Variants in DOC2B observed in about 807,000 individuals in gnomAD.
DOC2B encodes double C2-like domain-containing protein beta.
A neutral mutation model predicts 28.9 loss-of-function variants in DOC2B; 21 were observed. The observed-to-expected ratio is 0.73, with a 90% CI of 0.52 to 1.05. DOC2B has a LOEUF of 1.05. Ranked by LOEUF, DOC2B falls within the 50% of genes least tolerant of loss-of-function variation. The pLI is 0.00. For missense variants in DOC2B, 384 were observed against 421.1 expected, an observed-to-expected ratio of 0.91 and a Z score of 0.77; for synonymous variants, 194 against 178.1, an observed-to-expected ratio of 1.09 and a Z score of -0.71.
At chr17:162,315 T>C in intron 3 of DOC2B, 125 bp from the exon 4 acceptor site, 1 of 717,656 alleles carries the variant, frequency 1.4e-6, no homozygotes, top group Non-Finnish European at 2.4e-6. Context: ...CCAAGTGGAC[T>C]GAGGCTGCAG....
intron 5 of DOC2B, among the ~76,000 whole-genome samples, chr17:157,666 A>T (rs998736353): frequency 2.6e-5 from 4 of 152,128 alleles, no homozygotes; most frequent in African/African-American, 9.7e-5. Context: ...CTGGTCTCGA[A>T]TTCCTGACCT....
chr17:165,895 T>C (rs1320671146), intron 2 of DOC2B, among the ~76,000 whole-genome samples: 1 of 152,252 alleles, frequency 6.6e-6, no homozygotes, highest in Non-Finnish European at 1.5e-5. Context: ...TTGTTTGTTG[T>C]AGCTTAAAAT....
rs1422723055 is a variant in DOC2B, at chr17:146,952, C to A, written c.*489G>T. The A allele has an allele frequency of 6.5e-6, 1 of 154,120 alleles. No homozygotes were observed. Among genetic ancestry groups the A allele is most frequent in the Non-Finnish European group, 1.4e-5 (1 of 69,388 alleles). The allele number at this position is 154,120 out of a possible 1,614,324, so 9.5% of individuals were successfully genotyped here. A position where few individuals can be genotyped will look rare whatever the true frequency, so the allele number is the denominator to read the frequency against. On this transcript the variant is annotated 3_prime_UTR_variant, in exon 9 of 9. Coordinates refer to ENST00000613549, the MANE Select transcript of DOC2B (RefSeq NM_003585.5). Reference sequence around the variant, plus strand: ...GGCAGACTTTCGGCCGGCAGGCCCGCTTCTTCCATCTGTCCAGCAGCGAAG... The same window carrying A: ...GGCAGACTTTCGGCCGGCAGGCCCGATTCTTCCATCTGTCCAGCAGCGAAG...
intron 2 of DOC2B, among the ~76,000 whole-genome samples, chr17:170,735 T>G (rs951333582): frequency 2.6e-5 from 4 of 151,790 alleles, no homozygotes; most frequent in African/African-American, 9.7e-5. Context: ...CATGCTTGAG[T>G]GGCAGAGCCA....
At chr17:150,517 A>G (rs1195239163) in intron 6 of DOC2B, among the ~76,000 whole-genome samples, 1 of 152,196 alleles carries the variant, frequency 6.6e-6, no homozygotes, top group Non-Finnish European at 1.5e-5. Flanking sequence ...AGTGCCTGCG[A>G]CAAAGCTGAA....
In DOC2B at chr17:162,071, C is replaced by T; in HGVS notation, c.638+10G>A. On this transcript the variant is annotated intron_variant, in intron 4 of 8. Coordinates refer to ENST00000613549, the MANE Select transcript of DOC2B (RefSeq NM_003585.5). ...GGGGAGGGAGCAGGCGGCCTGGGAC[C>T]CTCACCCACCGCAGGGTCTTGCGGA... 1 of 1,544,946 alleles carries T rather than the reference C, an allele frequency of 6.5e-7. No homozygotes were observed. Among genetic ancestry groups the T allele is most frequent in the South Asian group, 1.2e-5 (1 of 83,900 alleles).
Position 165,294 on chromosome 17 carries a change from C to G in DOC2B, c.454-1090G>C, listed in dbSNP as rs548492917. On this transcript the variant is annotated intron_variant, in intron 2 of 8. Transcript: ENST00000613549. ...CCCAGGAGTTCAAGACCAGCCTGGG[C>G]AACACAGTAAGACCCTGTCTCTTCA... Among the ~76,000 whole-genome samples, 64 of 152,028 alleles carry G rather than the reference C, an allele frequency of 4.2e-4. 1 individual carries two copies. Among genetic ancestry groups the G allele is most frequent in the African/African-American group, 1.5e-3 (61 of 41,402 alleles).
At chr17:178,573 A>G (rs1374755360) in intron 1 of DOC2B, among the ~76,000 whole-genome samples, 1 of 152,190 alleles carries the variant, frequency 6.6e-6, no homozygotes, top group Non-Finnish European at 1.5e-5. Context: ...CAGGGCCGAC[A>G]CTGGGTCCTG....
intron 5 of DOC2B, among the ~76,000 whole-genome samples, chr17:160,918 C>T (rs1041103235): frequency 2.6e-5 from 4 of 152,164 alleles, no homozygotes; most frequent in Non-Finnish European, 5.9e-5. Context: ...CCTTGCGCGT[C>T]CTGTCCACCC....
rs143045462 is a variant in DOC2B at position 173,353 on chromosome 17, T to G, written c.374-737A>C. Among the ~76,000 whole-genome samples the G allele has an allele frequency of 1.6e-3, 247 of 152,122 alleles. 1 individual carries two copies. Among genetic ancestry groups the G allele is most frequent in the African/African-American group, 5.7e-3 (238 of 41,516 alleles). On this transcript the variant is annotated intron_variant, in intron 1 of 8. Transcript: ENST00000613549. The stretch of plus-strand genomic sequence containing the variant: ...CCAGCATGGAGGCCAAGGTGATGGT[T>G]GGGGCAGAGCTTGGAGATGATGGTG...
chr17:170,277 T>C (rs1247652605), intron 2 of DOC2B, among the ~76,000 whole-genome samples: 6 of 152,150 alleles, frequency 3.9e-5, no homozygotes, highest in Non-Finnish European at 7.4e-5. Context: ...GCATGGGTGG[T>C]TCTAGAGAGG....
Position 147,150 on chromosome 17 carries a change from C to T in DOC2B, c.*291G>A, listed in dbSNP as rs2151456634. The stretch of plus-strand genomic sequence containing the variant: ...CTGGCCTCTAGAAGGGTCTTTGCTC[C>T]CAGATGGGCGTGTCCCCTTCCCCTG... On this transcript the variant is annotated 3_prime_UTR_variant, in exon 9 of 9. Coordinates refer to ENST00000613549, the MANE Select transcript of DOC2B (RefSeq NM_003585.5). The T allele has an allele frequency of 3.1e-6, 1 of 319,312 alleles. No homozygotes were observed. Among genetic ancestry groups the T allele is most frequent in the East Asian group, 4.8e-5 (1 of 20,708 alleles). The allele number at this position is 319,312 out of a possible 1,614,324, so 19.8% of individuals were successfully genotyped here.
chr17:156,238 G>C lies in DOC2B; in HGVS notation c.905C>G (p.Ser302Trp), dbSNP rs866328837. ...CACTCACGTTTTCACGTAGGGGTCC[G>C]AGTAGCCGTTGGCGTCCATGGCGGC... ...HLAAMDANGY[S>W]DPYVKTYLRP... The change falls in exon 6 of 9, where the codon TCG (serine) becomes TGG (tryptophan). Residue 302 changes from serine (S) to tryptophan (W), a missense_variant. Physicochemically the swap from Ser to Trp is radical, Grantham distance 177. Transcript: ENST00000613549. The C allele has an allele frequency of 6.4e-7, 1 of 1,550,868 alleles. No individual in the cohort carries two copies. Among genetic ancestry groups the C allele is most frequent in the African/African-American group, 1.4e-5 (1 of 73,154 alleles).
chr17:171,897 C>A (rs1369893677), intron 2 of DOC2B, among the ~76,000 whole-genome samples: 8 of 94,088 alleles, frequency 8.5e-5, no homozygotes, highest in Middle Eastern at 5.1e-3. Flanking sequence ...AGGGGAGCAC[C>A]AGGGGCCGGG....
At chr17:169,134 G>A (rs750585256) in intron 2 of DOC2B, among the ~76,000 whole-genome samples, 1 of 152,086 alleles carries the variant, frequency 6.6e-6, no homozygotes, top group Non-Finnish European at 1.5e-5. Flanking sequence ...CTAGTCTGAA[G>A]TATCATTCAG....
At chr17:157,707 G>C (rs1235839214) in intron 5 of DOC2B, among the ~76,000 whole-genome samples, 1 of 152,218 alleles carries the variant, frequency 6.6e-6, no homozygotes, top group East Asian at 1.9e-4. Flanking sequence ...GCCTCCTGAA[G>C]TGCTGGGATT....
chr17:155,429 C>T (rs1038144772), intron 6 of DOC2B, among the ~76,000 whole-genome samples: 2 of 152,090 alleles, frequency 1.3e-5, no homozygotes, highest in South Asian at 4.1e-4. Context: ...CCTTGGTGTC[C>T]CCTAGGTCAG....
chr17:151,728 C>T (rs2040074138), intron 6 of DOC2B, among the ~76,000 whole-genome samples: 1 of 152,158 alleles, frequency 6.6e-6, no homozygotes, highest in Non-Finnish European at 1.5e-5. Context: ...AAGGGTCCTG[C>T]GTGCCCTGCC....
intron 2 of DOC2B, among the ~76,000 whole-genome samples, chr17:166,493 G>A (rs185034551): frequency 2.0e-5 from 3 of 152,342 alleles, no homozygotes; most frequent in South Asian, 2.1e-4. Context: ...GTGGTTTGGC[G>A]GTGTCCCCAC....
Sources: allele counts gnomAD v4.1 joint callset (sites outside exome capture counted in the v4.1 genomes callset), GRCh38; gene constraint gnomAD v4.1.1; transcripts MANE v1.5; gene names NCBI Gene and HGNC (gene_info 2026-07-23, HGNC 2026-07-21).